Variants in EXOC6B observed in about 807,000 individuals in gnomAD.
The protein encoded by EXOC6B is SEC15 homolog B.
In EXOC6B, 54 loss-of-function variants were observed where a neutral mutation model predicts 113.5. That is an observed-to-expected ratio of 0.48 (90% CI 0.38 to 0.60). The LOEUF (loss-of-function observed/expected upper bound fraction) is 0.60. Among genes scored for constraint, EXOC6B ranks in the 20% least tolerant of loss-of-function variants. The pLI is 0.00. For synonymous variants in EXOC6B, 357 were observed against 339.0 expected (o/e 1.05, Z -0.58); for missense variants, 797 against 977.5 (o/e 0.82, Z 2.46).
At chr2:72,390,321 T>C (rs1207507460) in intron 18 of EXOC6B, among the ~76,000 whole-genome samples, 1 of 152,224 alleles carries the variant, frequency 6.6e-6, no homozygotes, top group East Asian at 1.9e-4. Flanking sequence ...ATATTGAATA[T>C]ATTGAGCATG....
At chr2:72,765,935 T>C (rs1683032182) in intron 1 of EXOC6B, among the ~76,000 whole-genome samples, 1 of 152,116 alleles carries the variant, frequency 6.6e-6, no homozygotes, top group African/African-American at 2.4e-5. Flanking sequence ...ATTAGAGGCA[T>C]AAGAGGTTAG....
At chr2:72,266,137 G>T (rs1684067110) in intron 20 of EXOC6B, among the ~76,000 whole-genome samples, 1 of 152,016 alleles carries the variant, frequency 6.6e-6, no homozygotes, top group African/African-American at 2.4e-5. Flanking sequence ...TGAGTTCATT[G>T]TAGATTCTGG....
intron 20 of EXOC6B, among the ~76,000 whole-genome samples, chr2:72,270,004 G>A (rs1684387111): frequency 6.6e-6 from 1 of 152,136 alleles, no homozygotes; most frequent in African/African-American, 2.4e-5. Flanking sequence ...GGTTCAGGAT[G>A]TGAGGTGGTA....
chr2:72,794,780 T>C (rs1684854223), intron 1 of EXOC6B, among the ~76,000 whole-genome samples: 1 of 151,792 alleles, frequency 6.6e-6, no homozygotes, highest in Non-Finnish European at 1.5e-5. Context: ...AAATAGGAAA[T>C]AGAAGTAGGA....
At chr2:72,369,862 C>A (rs1163222566) in intron 19 of EXOC6B, among the ~76,000 whole-genome samples, 2 of 152,044 alleles carry the variant, frequency 1.3e-5, no homozygotes, top group African/African-American at 4.8e-5. Flanking sequence ...AAAATTAATT[C>A]AAATAGATTA....
At chr2:72,556,509 G>A (rs1703551721) in intron 8 of EXOC6B, among the ~76,000 whole-genome samples, 1 of 152,198 alleles carries the variant, frequency 6.6e-6, no homozygotes, top group Admixed American at 6.5e-5. Flanking sequence ...GTTCTTTAGA[G>A]ATGGGCTAAA....
chr2:72,501,300 T>C (rs1288648308), intron 11 of EXOC6B, among the ~76,000 whole-genome samples: 1 of 152,078 alleles, frequency 6.6e-6, no homozygotes, highest in Admixed American at 6.5e-5. Context: ...GGGAGCTAGT[T>C]GTTTAAAGAG....
At position 72,179,323 on chromosome 2, in the gene EXOC6B, CG is replaced by C; in HGVS notation, c.*11del. ...CTGCAGCAGGTCGCCTCTGTGGGTCCGGGGTCACCCTTCATGAGTGGTGGCT... is the reference window on the plus strand; with the variant it reads ...CTGCAGCAGGTCGCCTCTGTGGGTCCGGGTCACCCTTCATGAGTGGTGGCT... On this transcript the variant is annotated 3_prime_UTR_variant, in exon 22 of 22. Transcript: ENST00000272427. 6.3e-7 allele frequency: 1 copy of C among 1,592,154 alleles called. No homozygotes were observed. Among genetic ancestry groups the C allele is most frequent in the Non-Finnish European group, 8.6e-7 (1 of 1,168,344 alleles).
At chr2:72,199,438 C>T (rs1679360628) in intron 20 of EXOC6B, among the ~76,000 whole-genome samples, 1 of 152,146 alleles carries the variant, frequency 6.6e-6, no homozygotes, top group African/African-American at 2.4e-5. Flanking sequence ...AGAGATATGT[C>T]TTAATTTTTC....
At chr2:72,585,802 G>GA (rs914602326) in intron 6 of EXOC6B, among the ~76,000 whole-genome samples, 1 of 151,830 alleles carries the variant, frequency 6.6e-6, no homozygotes, top group African/African-American at 2.4e-5. Flanking sequence ...TATAAGTAAT[G>GA]AAAAAAACCT....
intron 20 of EXOC6B, among the ~76,000 whole-genome samples, chr2:72,310,640 AAGC>A (rs1687130270): frequency 6.6e-6 from 1 of 152,102 alleles, no homozygotes; most frequent in East Asian, 1.9e-4. Flanking sequence ...AATAAAAAAA[AAGC>A]AAACAAAAGA....
chr2:72,237,451 T>A (rs1160692489), intron 20 of EXOC6B, among the ~76,000 whole-genome samples: 1 of 139,854 alleles, frequency 7.2e-6, no homozygotes, highest in Non-Finnish European at 1.5e-5. Context: ...AAACAGAGAT[T>A]CAGCAAATAT....
intron 20 of EXOC6B, among the ~76,000 whole-genome samples, chr2:72,305,380 A>G (rs1251637150): frequency 2.1e-5 from 3 of 142,856 alleles, no homozygotes; most frequent in Admixed American, 7.2e-5. Flanking sequence ...ATGTGTATGT[A>G]TATGAATGAG....
At chr2:72,682,305 T>C (rs953058911) in intron 6 of EXOC6B, among the ~76,000 whole-genome samples, 1 of 152,206 alleles carries the variant, frequency 6.6e-6, no homozygotes. Flanking sequence ...TATACTGACA[T>C]TATTTTTTCC....
intron 6 of EXOC6B, among the ~76,000 whole-genome samples, chr2:72,593,991 C>T (rs183590596): frequency 3.2e-4 from 49 of 152,144 alleles, no homozygotes; most frequent in Middle Eastern, 6.8e-3. Context: ...GTTGTTGTTG[C>T]TGTTGTTAAG....
intron 1 of EXOC6B, among the ~76,000 whole-genome samples, chr2:72,782,223 G>T (rs1348484669): frequency 2.0e-5 from 3 of 151,358 alleles, no homozygotes; most frequent in Admixed American, 2.0e-4. Flanking sequence ...TTTCTTGACC[G>T]TTTCTTGTTT....
At chr2:72,268,596 G>A (rs908822077) in intron 20 of EXOC6B, among the ~76,000 whole-genome samples, 7 of 152,020 alleles carry the variant, frequency 4.6e-5, no homozygotes, top group African/African-American at 7.2e-5. Flanking sequence ...GTATCCCCTC[G>A]GAATCTCATA....
intron 15 of EXOC6B, among the ~76,000 whole-genome samples, chr2:72,493,124 C>T (rs1033618702): frequency 6.6e-6 from 1 of 152,076 alleles, no homozygotes; most frequent in Non-Finnish European, 1.5e-5. Flanking sequence ...GTTAACAATA[C>T]ATTAAGACTT....
intron 18 of EXOC6B, among the ~76,000 whole-genome samples, chr2:72,387,865 T>C (rs969401419): frequency 6.6e-6 from 1 of 152,170 alleles, no homozygotes; most frequent in African/African-American, 2.4e-5. Flanking sequence ...TTGAGCTGGG[T>C]TTCAATTTGC....
Sources: allele counts gnomAD v4.1 joint callset (sites outside exome capture counted in the v4.1 genomes callset), GRCh38; gene constraint gnomAD v4.1.1; transcripts MANE v1.5; gene names NCBI Gene and HGNC (gene_info 2026-07-23, HGNC 2026-07-21).